The following WFS1 variants were observed in gnomAD, a reference collection of about 807,000 sequenced individuals.
The protein encoded by WFS1 is wolframin.
A neutral mutation model predicts 68.5 loss-of-function variants in WFS1; 90 were observed. The ratio of observed to expected loss-of-function variants is 1.31; its 90% CI spans 1.11 to 1.56. The LOEUF (loss-of-function observed/expected upper bound fraction) is 1.56. Among genes scored for constraint, WFS1 ranks in the 40% most tolerant of loss-of-function variants. WFS1 has a pLI of 0.00. For synonymous variants in WFS1, 860 were observed against 540.7 expected, an observed-to-expected ratio of 1.59 and a Z score of -8.19; for missense variants, 1,767 against 1,232.6, an observed-to-expected ratio of 1.43 and a Z score of -6.49.
intron 7 of WFS1, among the ~76,000 whole-genome samples, chr4:6,299,233 C>T (rs1163001408): frequency 1.3e-5 from 2 of 152,236 alleles, no homozygotes; most frequent in African/African-American, 2.4e-5. Context: ...GGTGGCAGCG[C>T]TGCTTCACCC....
intron 6 of WFS1, among the ~76,000 whole-genome samples, chr4:6,294,616 A>G (rs4234730): frequency 0.64 from 97,472 of 152,058 alleles, 31,840 homozygotes; most frequent in East Asian, 0.94. Context: ...TTGGCAGGGT[A>G]CTGCCCTACA....
intron 3 of WFS1, among the ~76,000 whole-genome samples, chr4:6,288,052 A>G (rs1460455707): frequency 1.3e-5 from 2 of 152,166 alleles, no homozygotes; most frequent in South Asian, 4.2e-4. Flanking sequence ...CCGTGTCTCC[A>G]CTACAAATAG....
At position 6,300,720 on chromosome 4, in the gene WFS1, A is replaced by G; in HGVS notation, c.925A>G (p.Arg309Gly). 1.9e-6 allele frequency: 3 copies of G among 1,614,050 alleles called. No individual in the cohort carries two copies. The highest frequency in any genetic ancestry group is 2.5e-6 in the Non-Finnish European group (3 of 1,179,988). ...GGAGTACCTGATTGACATGGCCTCC[A>G]GGGCAGGCATGCACTGGCTGTCCAC... is the stretch of plus-strand genomic sequence containing the variant. ...IKEYLIDMASRAGMHWLSTII... is the reference protein window; with the variant it reads ...IKEYLIDMASGAGMHWLSTII... Residue 309 changes from arginine to glycine, a missense_variant, in exon 8 of 8, where the codon AGG becomes GGG. Physicochemically the swap from Arg to Gly is moderately radical, Grantham distance 125. Transcript: ENST00000226760.
chr4:6,300,973 C>T lies in WFS1; in HGVS notation c.1178C>T (p.Ala393Val), dbSNP rs1423902367. 6.2e-7 allele frequency: 1 copy of T among 1,613,988 alleles called. No homozygotes were observed. Among genetic ancestry groups the T allele is most frequent in the Admixed American group, 1.7e-5 (1 of 59,894 alleles). ...GAGCCCAACCTGGATGTGGAGCAGG[C>T]CGAGGTCAACTTCGGCTGGAACCAC... ...RFEPNLDVEQAEVNFGWNHLE... is the reference protein window; with the variant it reads ...RFEPNLDVEQVEVNFGWNHLE... Residue 393 changes from alanine to valine, a missense_variant, in exon 8 of 8, where the codon GCC becomes GTC. Coordinates refer to ENST00000226760, the MANE Select transcript of WFS1 (RefSeq NM_006005.3).
chr4:6,300,531 G>C (rs778395008), intron 7 of WFS1, 126 bp from the exon 8 acceptor site: 5 of 1,420,712 alleles, frequency 3.5e-6, no homozygotes, highest in Non-Finnish European at 3.8e-6. Flanking sequence ...GGATGGGGCT[G>C]GTGATGGGAA....
At chr4:6,288,736 C>T in intron 3 of WFS1, 1 of 550,740 alleles carries the variant, frequency 1.8e-6, no homozygotes, top group Non-Finnish European at 3.3e-6. Context: ...GTACCAGTAC[C>T]AGTCGGAGCC....
In WFS1 at chr4:6,277,777, G is replaced by A. The variant is rs28420833; in HGVS notation, c.232+90G>A. 856,608 of 1,434,174 alleles carry A rather than the reference G, an allele frequency of 0.6. 259,314 individuals carry two copies. Among genetic ancestry groups the A allele is most frequent in the East Asian group, 0.96 (38,626 of 40,388 alleles). 88.8% of individuals were successfully genotyped at this position (1,434,174 alleles called of 1,614,324 possible). A position where few individuals can be genotyped will look rare whatever the true frequency, so the allele number is the denominator to read the frequency against. On this transcript the variant is annotated intron_variant, in intron 2 of 7. Coordinates refer to ENST00000226760, the MANE Select transcript of WFS1 (RefSeq NM_006005.3). ...TCAGCCACCCCTGGAGGGTCCCCCC[G>A]CCAGGTCCTCTGCAGTTCAGCATTG... is the stretch of plus-strand genomic sequence containing the variant.
chr4:6,285,731 T>C (rs1022216618), intron 2 of WFS1, among the ~76,000 whole-genome samples: 4 of 152,176 alleles, frequency 2.6e-5, no homozygotes, highest in Non-Finnish European at 2.9e-5. Context: ...AGGCAGCACT[T>C]GGTGCTGCAG....
At chr4:6,293,236 G>A (rs1200643772) in intron 6 of WFS1, among the ~76,000 whole-genome samples, 3 of 152,188 alleles carry the variant, frequency 2.0e-5, no homozygotes, top group Admixed American at 6.5e-5. Context: ...GGTTTGTGAT[G>A]AGCCGGGCAC....
rs534487472 is a variant in WFS1, at chr4:6,270,343, C to T, written c.-6+329C>T. On this transcript the variant is annotated intron_variant, in intron 1 of 7. Transcript: ENST00000226760. Reference sequence around the variant, plus strand: ...GCGGCCGGCGGGCAGGCCCCCTCCCCGCGCCCCGCGCCATCCCCCCCGAGT... The same window carrying T: ...GCGGCCGGCGGGCAGGCCCCCTCCCTGCGCCCCGCGCCATCCCCCCCGAGT... Among the ~76,000 whole-genome samples the T allele has an allele frequency of 1.5e-3, 227 of 150,886 alleles. 1 individual carries two copies. Among genetic ancestry groups the T allele is most frequent in the African/African-American group, 5.2e-3 (215 of 41,358 alleles).
intron 7 of WFS1, among the ~76,000 whole-genome samples, chr4:6,296,855 C>G (rs4501291): frequency 6.6e-6 from 1 of 152,068 alleles, no homozygotes; most frequent in Non-Finnish European, 1.5e-5. Flanking sequence ...GACAGGGTCT[C>G]GTTCTGTTGC....
In WFS1 at chr4:6,283,143, G is replaced by A. The variant is rs1172197128; in HGVS notation, c.233-3950G>A. Among the ~76,000 whole-genome samples, 2 of 152,140 alleles carry A rather than the reference G, an allele frequency of 1.3e-5. No homozygotes were observed. The highest frequency in any genetic ancestry group is 1.9e-4 in the East Asian group (1 of 5,188). On this transcript the variant is annotated intron_variant, in intron 2 of 7. Coordinates refer to ENST00000226760, the MANE Select transcript of WFS1 (RefSeq NM_006005.3). The surrounding 1 kb of genome is among the most constrained non-coding windows in gnomAD (Gnocchi z 5.0). ...CCTAGGTAGTGCCTGAGAAAGTGAG[G>A]GTCATTGACTGATTCCACGTGGCAT...
rs369450642 is a variant in WFS1 at position 6,300,943 on chromosome 4, G to C, written c.1148G>C (p.Arg383Pro). ...CGCACCCTCACCGACCTGCTGCTGC[G>C]CTTCGAGCCCAACCTGGATGTGGAG... The part of the protein sequence containing the change: ...NFRTLTDLLL[R>P]FEPNLDVEQA... The change falls in exon 8 of 8, where the codon CGC (arginine) becomes CCC (proline). Residue 383 changes from arginine (R) to proline (P), a missense_variant. Arg to Pro is a moderately radical substitution (Grantham distance 103). Coordinates refer to ENST00000226760, the MANE Select transcript of WFS1 (RefSeq NM_006005.3). 1.9e-6 allele frequency: 3 copies of C among 1,613,982 alleles called. No homozygotes were observed. Among genetic ancestry groups the C allele is most frequent in the Non-Finnish European group, 2.5e-6 (3 of 1,180,008 alleles).
In WFS1 at chr4:6,289,023, G is replaced by C; in HGVS notation, c.352G>C (p.Asp118His). ...CTACCTGCAGTTGGCCGGCGACACGGATGAAGAACTCAACAGCTGCACCGC... is the reference window on the plus strand; with the variant it reads ...CTACCTGCAGTTGGCCGGCGACACGCATGAAGAACTCAACAGCTGCACCGC... ...KHYLQLAGDTDEELNSCTAVD... is the reference protein window; with the variant it reads ...KHYLQLAGDTHEELNSCTAVD... The change falls in exon 4 of 8, where the codon GAT becomes CAT. Residue 118 changes from aspartate (D) to histidine (H), a missense_variant. Physicochemically the swap from Asp to His is moderately conservative, Grantham distance 81. Coordinates refer to ENST00000226760, the MANE Select transcript of WFS1 (RefSeq NM_006005.3). 1 of 1,608,060 alleles carries C rather than the reference G, an allele frequency of 6.2e-7. No homozygotes were observed. Among genetic ancestry groups the C allele is most frequent in the Non-Finnish European group, 8.5e-7 (1 of 1,177,662 alleles).
rs1002328402 is a variant in WFS1, at chr4:6,287,717, A to AT, written c.315+546dup. Among the ~76,000 whole-genome samples, 7 of 152,124 alleles carry AT rather than the reference A, an allele frequency of 4.6e-5. No individual in the cohort carries two copies. The highest frequency in any genetic ancestry group is 1.4e-4 in the African/African-American group (6 of 41,436). On this transcript the variant is annotated intron_variant, in intron 3 of 7. Transcript: ENST00000226760. The surrounding 1 kb of genome is among the most constrained non-coding windows in gnomAD (Gnocchi z 6.4). ...GTAGACAAGACACAGAAATACAGTG[A>AT]TTTTGAATTCTGGTGAGGGGAGAAG...
intron 1 of WFS1, among the ~76,000 whole-genome samples, chr4:6,271,820 G>A (rs530733018): frequency 8.5e-5 from 13 of 152,296 alleles, no homozygotes; most frequent in South Asian, 2.1e-4. Context: ...CTGGGCTATC[G>A]GGTCAGGTCC....
chr4:6,295,113 GC>G lies in WFS1; in HGVS notation c.787del (p.Leu263CysfsTer24). The G allele has an allele frequency of 6.2e-7, 1 of 1,613,420 alleles. No homozygotes were observed. ...TACGCCAAGGGCGTCATCCCCAGCAGCCTGTTCCTGCAGGACGACGAAGATG... is the reference window on the plus strand; with the variant it reads ...TACGCCAAGGGCGTCATCCCCAGCAGCTGTTCCTGCAGGACGACGAAGATG... ...KKYAKGVIPS[S>X]LFLQDDEDDD... On this transcript the variant is annotated frameshift_variant, in exon 7 of 8. Coordinates refer to ENST00000226760, the MANE Select transcript of WFS1 (RefSeq NM_006005.3). LOFTEE classifies it high-confidence loss of function.
chr4:6,291,075 C>G (rs1277954996), intron 4 of WFS1, 122 bp from the exon 5 acceptor site: 6 of 1,159,080 alleles, frequency 5.2e-6, no homozygotes, highest in Non-Finnish European at 7.5e-6. Flanking sequence ...CCCTGGTAAC[C>G]AAGTCCTGAC....
Position 6,302,429 on chromosome 4 carries a change from C to T in WFS1, c.2634C>T (p.Ala878=), listed in dbSNP as rs1730980248. Residue 878 remains alanine (A), a synonymous_variant, in exon 8 of 8, where the codon GCC becomes GCT. Transcript: ENST00000226760. ...CCGTGCATGGCGCCGTGAAGTTCGC[C>T]TTCGACTTCTTTTTCTTCCCATTCC... is the stretch of plus-strand genomic sequence containing the variant. The part of the protein sequence containing the change: ...RSTVHGAVKF[A]FDFFFFPFLS... 4 of 1,613,220 alleles carry T rather than the reference C, an allele frequency of 2.5e-6. No individual in the cohort carries two copies. Among genetic ancestry groups the T allele is most frequent in the Non-Finnish European group, 3.4e-6 (4 of 1,180,034 alleles).
Sources: allele counts gnomAD v4.1 joint callset (sites outside exome capture counted in the v4.1 genomes callset), GRCh38; gene constraint gnomAD v4.1.1; non-coding constraint Gnocchi (gnomAD v3.1); transcripts MANE v1.5; gene names NCBI Gene and HGNC (gene_info 2026-07-23, HGNC 2026-07-21).